Variants in GABRB3 observed in about 807,000 individuals in gnomAD.
GABRB3 encodes the protein gamma-aminobutyric acid receptor subunit beta-3.
GABRB3 carries 14 observed loss-of-function variants against 52.1 expected under a neutral mutation model. The observed-to-expected ratio is 0.27, with a 90% CI of 0.18 to 0.42. The LOEUF is 0.42. Among genes scored for constraint, GABRB3 ranks in the 10% least tolerant of loss-of-function variants. The probability of loss-of-function intolerance (pLI) is 1.00; values close to 1 mark genes in which losing one functional copy is unlikely to be tolerated. For synonymous variants in GABRB3, 260 were observed against 232.3 expected (o/e 1.12, Z -1.08); for missense variants, 307 against 609.1 (o/e 0.50, Z 5.22).
At position 26,621,469 on chromosome 15, in the gene GABRB3, G is replaced by T; in HGVS notation, c.306C>A (p.Ile102=). 1 of 1,614,086 alleles carries T rather than the reference G, an allele frequency of 6.2e-7. No individual in the cohort carries two copies. Among genetic ancestry groups the T allele is most frequent in the Middle Eastern group, 1.6e-4 (1 of 6,062 alleles). The change falls in exon 4 of 9, where the codon ATC becomes ATA. Residue 102 remains isoleucine, a synonymous_variant. Transcript: ENST00000311550. This position sits in a 1 kb window ranked among gnomAD's most constrained non-coding sequence, Gnocchi z 4.1. ...WRDKRLAYSG[I]PLNLTLDNRV... is the part of the protein sequence containing the mutation. ...GATTGTCAAGCGTGAGGTTGAGAGGGATCCCAGAATAGGCGAGCCTTTTAT... is the reference window on the plus strand; with the variant it reads ...GATTGTCAAGCGTGAGGTTGAGAGGTATCCCAGAATAGGCGAGCCTTTTAT...
chr15:26,729,237 G>C (rs1889847115), intron 3 of GABRB3, among the ~76,000 whole-genome samples: 1 of 151,968 alleles, frequency 6.6e-6, no homozygotes, highest in South Asian at 2.1e-4. Context: ...CCCCACCCTG[G>C]AGAACACTGA....
chr15:26,725,340 A>T (rs1889742712), intron 3 of GABRB3, among the ~76,000 whole-genome samples: 1 of 152,120 alleles, frequency 6.6e-6, no homozygotes, highest in Non-Finnish European at 1.5e-5. Context: ...CCCTCCCCAG[A>T]AGCTGTCCCC....
At chr15:26,715,073 G>A (rs1234869746) in intron 3 of GABRB3, among the ~76,000 whole-genome samples, 1 of 152,166 alleles carries the variant, frequency 6.6e-6, no homozygotes, top group Non-Finnish European at 1.5e-5. Context: ...ATGCAGACAA[G>A]AGGGCAAGAG....
intron 3 of GABRB3, among the ~76,000 whole-genome samples, chr15:26,649,469 C>A (rs1053880659): frequency 1.3e-5 from 2 of 152,164 alleles, no homozygotes; most frequent in African/African-American, 4.8e-5. Flanking sequence ...AAATACATTT[C>A]TATTGTTAAT....
intron 4 of GABRB3, among the ~76,000 whole-genome samples, chr15:26,589,974 A>G (rs1242458901): frequency 6.6e-6 from 1 of 152,168 alleles, no homozygotes; most frequent in Non-Finnish European, 1.5e-5. Context: ...TCCCGCTAAC[A>G]AGCACTCCCA....
At chr15:26,723,233 A>G (rs1012989719) in intron 3 of GABRB3, among the ~76,000 whole-genome samples, 1 of 152,244 alleles carries the variant, frequency 6.6e-6, no homozygotes, top group Non-Finnish European at 1.5e-5. Flanking sequence ...ACAAGGTCAC[A>G]ATATAAAATT....
At chr15:26,696,619 G>A (rs367847742) in intron 3 of GABRB3, among the ~76,000 whole-genome samples, 13 of 152,154 alleles carry the variant, frequency 8.5e-5, no homozygotes, top group African/African-American at 3.1e-4. Context: ...TGGATCAACA[G>A]TTACCTGAAT....
At chr15:26,605,885 C>T (rs6576588) in intron 4 of GABRB3, among the ~76,000 whole-genome samples, 151,348 of 152,268 alleles carry the variant, frequency 0.99, 75,218 homozygotes, top group East Asian at 1. Context: ...TGGCACACAG[C>T]TCCACAGGCT....
intron 3 of GABRB3, among the ~76,000 whole-genome samples, chr15:26,764,723 C>G (rs924482007): frequency 3.3e-5 from 5 of 152,086 alleles, no homozygotes; most frequent in Non-Finnish European, 5.9e-5. Flanking sequence ...GCATAAATGG[C>G]CCAGAAGTAA....
chr15:26,622,600 G>A (rs2140539717), intron 3 of GABRB3, among the ~76,000 whole-genome samples: 1 of 152,314 alleles, frequency 6.6e-6, no homozygotes, highest in South Asian at 2.1e-4. Flanking sequence ...CCTCACTTGT[G>A]GACAGCGAGA....
intron 3 of GABRB3, among the ~76,000 whole-genome samples, chr15:26,679,253 C>G (rs187599163): frequency 4.2e-4 from 64 of 152,324 alleles, no homozygotes; most frequent in South Asian, 1.2e-3. Flanking sequence ...TAGCCCCTCA[C>G]TCACTGAGCA....
At chr15:26,764,203 T>A (rs1174095252) in intron 3 of GABRB3, among the ~76,000 whole-genome samples, 9 of 20,054 alleles carry the variant, frequency 4.5e-4, no homozygotes, top group African/African-American at 1.3e-3. Context: ...TATATATATA[T>A]ATATATATAT....
intron 3 of GABRB3, among the ~76,000 whole-genome samples, chr15:26,736,252 AAAAT>A (rs1198480513): frequency 5.9e-5 from 9 of 152,238 alleles, no homozygotes; most frequent in Non-Finnish European, 1.0e-4. Context: ...TACCTCAATA[AAAAT>A]AAATAAATAA....
chr15:26,744,121 C>T (rs979645477), intron 3 of GABRB3, among the ~76,000 whole-genome samples: 1 of 152,130 alleles, frequency 6.6e-6, no homozygotes, highest in Non-Finnish European at 1.5e-5. Flanking sequence ...GAATTTTACA[C>T]GGGGCGAGGT....
At position 26,621,619 on chromosome 15, in the gene GABRB3, A is replaced by G. The variant is rs538063584; in HGVS notation, c.241-85T>C. On this transcript the variant is annotated intron_variant, in intron 3 of 8. Coordinates refer to ENST00000311550, the MANE Select transcript of GABRB3 (RefSeq NM_000814.6). This position sits in a 1 kb window ranked among gnomAD's most constrained non-coding sequence, Gnocchi z 4.1. ...CACGACCAGCCAAATTCAGGTTGCA[A>G]TCTAGGCTCTACAGTGAATAACCAG... is the stretch of plus-strand genomic sequence containing the variant. 8.5e-4 allele frequency: 899 copies of G among 1,052,190 alleles called. 10 individuals carry two copies. The South Asian group carries it at 1.0e-2, about 12-fold the overall frequency. 65.2% of individuals were successfully genotyped at this position (1,052,190 alleles called of 1,614,324 possible). A position where few individuals can be genotyped will look rare whatever the true frequency, so the allele number is the denominator to read the frequency against.
At position 26,693,690 on chromosome 15, in the gene GABRB3, G is replaced by GGAGA. The variant is rs145068737; in HGVS notation, c.241-72160_241-72157dup. Among the ~76,000 whole-genome samples, 6 of 151,830 alleles carry GGAGA rather than the reference G, an allele frequency of 4.0e-5. 1 individual carries two copies. The highest frequency in any genetic ancestry group is 7.4e-5 in the Non-Finnish European group (5 of 67,918). ...TCCATAGGACAAAGCCCTGAAAACT[G>GGAGA]GAGAGAGAGAGAGAGAGATAGATAC... is the stretch of plus-strand genomic sequence containing the variant. On this transcript the variant is annotated intron_variant, in intron 3 of 8. Coordinates refer to ENST00000311550, the MANE Select transcript of GABRB3 (RefSeq NM_000814.6).
At position 26,772,175 on chromosome 15, in the gene GABRB3, G is replaced by T. The variant is rs1891165757; in HGVS notation, c.240+227C>A. The T allele has an allele frequency of 8.7e-6, 4 of 460,604 alleles. No individual in the cohort carries two copies. The South Asian group carries it at 1.4e-4, about 16-fold the overall frequency. 28.5% of individuals were successfully genotyped at this position (460,604 alleles called of 1,614,324 possible). A position where few individuals can be genotyped will look rare whatever the true frequency, so the allele number is the denominator to read the frequency against. ...TAGGCCGGCCAGGACTCCCCCGCAGGAAGGGTGCGCCCTCGCGGCTCCGAC... is the reference window on the plus strand; with the variant it reads ...TAGGCCGGCCAGGACTCCCCCGCAGTAAGGGTGCGCCCTCGCGGCTCCGAC... On this transcript the variant is annotated intron_variant, in intron 3 of 8. Transcript: ENST00000311550.
intron 3 of GABRB3, chr15:26,624,714 A>C (rs1048432079): frequency 2.0e-6 from 2 of 984,232 alleles, no homozygotes; most frequent in South Asian, 4.7e-5. Context: ...AAGGACTATC[A>C]CATCAGTGGG....
intron 8 of GABRB3, among the ~76,000 whole-genome samples, chr15:26,551,709 G>A (rs1889470406): frequency 6.6e-6 from 1 of 152,104 alleles, no homozygotes; most frequent in Non-Finnish European, 1.5e-5. Flanking sequence ...GTGTCACCGC[G>A]GGGTCTTCCT....
Sources: gnomAD v4.1 joint callset for allele counts (sites outside exome capture counted in the v4.1 genomes callset) on GRCh38, gnomAD v4.1.1 for gene constraint, Gnocchi (gnomAD v3.1) non-coding constraint, MANE v1.5 for transcripts, NCBI Gene and HGNC (gene_info 2026-07-23, HGNC 2026-07-21) for gene names.